The following ZDHHC12 variants were observed in gnomAD, a reference collection of about 807,000 sequenced individuals.
ZDHHC12 encodes palmitoyltransferase ZDHHC12.
Under a neutral mutation model 33.2 loss-of-function variants are expected in ZDHHC12, and 26 were observed. The observed-to-expected ratio is 0.78, with a 90% CI of 0.57 to 1.09. The LOEUF (loss-of-function observed/expected upper bound fraction) is 1.09. ZDHHC12 is among the 50% of genes least tolerant of loss of function. ZDHHC12 has a pLI of 0.00. For synonymous variants in ZDHHC12, 154 were observed against 152.1 expected, an observed-to-expected ratio of 1.01 and a Z score of -0.09; for missense variants, 350 against 353.0, an observed-to-expected ratio of 0.99 and a Z score of 0.07.
In ZDHHC12 at chr9:128,721,957, G is replaced by A; in HGVS notation, c.315+52C>T. 1 of 1,612,648 alleles carries A rather than the reference G, an allele frequency of 6.2e-7. No homozygotes were observed. The highest frequency in any genetic ancestry group is 8.5e-7 in the Non-Finnish European group (1 of 1,179,180). Reference sequence around the variant, plus strand: ...AGGCAGTGGGGCAGGAGGAGGTCGAGGAGTCTCAGCTTTGGCCCAACCTCT... The same window carrying A: ...AGGCAGTGGGGCAGGAGGAGGTCGAAGAGTCTCAGCTTTGGCCCAACCTCT... On this transcript the variant is annotated intron_variant, in intron 3 of 4. Coordinates refer to ENST00000372663, the MANE Select transcript of ZDHHC12 (RefSeq NM_032799.5). This position sits in a 1 kb window ranked among gnomAD's most constrained non-coding sequence, Gnocchi z 6.9.
rs781353911 is a variant in ZDHHC12 at position 128,721,702 on chromosome 9, A to G, written c.431T>C (p.Val144Ala). 6.2e-7 allele frequency: 1 copy of G among 1,613,892 alleles called. No homozygotes were observed. The highest frequency in any genetic ancestry group is 8.5e-7 in the Non-Finnish European group (1 of 1,179,986). Residue 144 changes from valine to alanine, a missense_variant, in exon 4 of 5, where the codon GTC becomes GCC. Val to Ala is a moderately conservative substitution (Grantham distance 64). Transcript: ENST00000372663. This position sits in a 1 kb window ranked among gnomAD's most constrained non-coding sequence, Gnocchi z 6.9. The part of the protein sequence containing the change: ...VGERNHPLFV[V>A]YLALQLVVLL... ...CACCACCAGCTGCAGCGCCAGGTAG[A>G]CCACAAAGAGTGGGTGGTTGCGCTC...
Position 128,723,875 on chromosome 9 carries a change from G to A in ZDHHC12, c.100+119C>T. 1.4e-6 allele frequency: 2 copies of A among 1,443,214 alleles called. No individual in the cohort carries two copies. The highest frequency in any genetic ancestry group is 1.9e-6 in the Non-Finnish European group (2 of 1,066,064). 89.4% of individuals were successfully genotyped at this position (1,443,214 alleles called of 1,614,324 possible). ...GATGGGGAGAGGGCTTCAGGAGCTG[G>A]TGGAGATCGGGCCAATCCCAGGATC... On this transcript the variant is annotated intron_variant, in intron 1 of 4. Coordinates refer to ENST00000372663, the MANE Select transcript of ZDHHC12 (RefSeq NM_032799.5). This position sits in a 1 kb window ranked among gnomAD's most constrained non-coding sequence, Gnocchi z 4.4.
Position 128,722,507 on chromosome 9 carries a change from G to A in ZDHHC12, c.168C>T (p.Gly56=). The change falls in exon 2 of 5, where the codon GGC becomes GGT. Residue 56 remains glycine (G), a synonymous_variant. Transcript: ENST00000372663. The surrounding 1 kb of genome is among the most constrained non-coding windows in gnomAD (Gnocchi z 4.2). Reference sequence around the variant, plus strand: ...ACACAGCGAGGTAGAGCAGCAGGGAGCCCAGCACCAGGAGCAGGAAGGTGA... The same window carrying A: ...ACACAGCGAGGTAGAGCAGCAGGGAACCCAGCACCAGGAGCAGGAAGGTGA... ...LPLTFLLLVL[G]SLLLYLAVSL... is the part of the protein sequence containing the mutation. 6.3e-7 allele frequency: 1 copy of A among 1,582,046 alleles called. No homozygotes were observed. The highest frequency in any genetic ancestry group is 8.6e-7 in the Non-Finnish European group (1 of 1,163,654).
At position 128,721,775 on chromosome 9, in the gene ZDHHC12, C is replaced by T. The variant is rs577188699; in HGVS notation, c.358G>A (p.Val120Ile). ...ARHCRECRRC[V>I]RRYDHHCPWM... ...GGGCAGTGGTGGTCGTAGCGGCGGACGCAACGGCGGCACTCACGGCAGTGC... is the reference window on the plus strand; with the variant it reads ...GGGCAGTGGTGGTCGTAGCGGCGGATGCAACGGCGGCACTCACGGCAGTGC... Residue 120 changes from valine (V) to isoleucine (I), a missense_variant, in exon 4 of 5, where the codon GTC (valine) becomes ATC (isoleucine). Transcript: ENST00000372663. The surrounding 1 kb of genome is among the most constrained non-coding windows in gnomAD (Gnocchi z 6.9). The T allele has an allele frequency of 3.9e-5, 63 of 1,613,502 alleles. No homozygotes were observed. The highest frequency in any genetic ancestry group is 2.6e-4 in the South Asian group (24 of 91,080).
At position 128,721,925 on chromosome 9, in the gene ZDHHC12, G is replaced by A. The variant is rs922044675; in HGVS notation, c.315+84C>T. On this transcript the variant is annotated intron_variant, in intron 3 of 4. Coordinates refer to ENST00000372663, the MANE Select transcript of ZDHHC12 (RefSeq NM_032799.5). The surrounding 1 kb of genome is among the most constrained non-coding windows in gnomAD (Gnocchi z 6.9). Reference sequence around the variant, plus strand: ...TGGAAGGCCTTCTTGGAGGAGGGGCGAGGCCCAGGCAGTGGGGCAGGAGGA... The same window carrying A: ...TGGAAGGCCTTCTTGGAGGAGGGGCAAGGCCCAGGCAGTGGGGCAGGAGGA... The A allele has an allele frequency of 4.4e-4, 706 of 1,605,740 alleles. No homozygotes were observed. The highest frequency in any genetic ancestry group is 1.4e-4 in the Non-Finnish European group (162 of 1,174,378).
Position 128,722,528 on chromosome 9 carries a change from G to C in ZDHHC12, c.147C>G (p.Thr49=). ...EEQGELLLPL[T]FLLLVLGSLL... is the part of the protein sequence containing the mutation. ...GGGAGCCCAGCACCAGGAGCAGGAA[G>C]GTGAGGGGCAGGAGCAGCTCCCCCT... The change falls in exon 2 of 5, where the codon ACC becomes ACG. Residue 49 remains threonine, a synonymous_variant. Coordinates refer to ENST00000372663, the MANE Select transcript of ZDHHC12 (RefSeq NM_032799.5). This position sits in a 1 kb window ranked among gnomAD's most constrained non-coding sequence, Gnocchi z 4.2. 1 of 1,590,302 alleles carries C rather than the reference G, an allele frequency of 6.3e-7. No homozygotes were observed. Among genetic ancestry groups the C allele is most frequent in the South Asian group, 1.1e-5 (1 of 87,308 alleles).
chr9:128,722,341 T>G lies in ZDHHC12; in HGVS notation c.237+97A>C. On this transcript the variant is annotated intron_variant, in intron 2 of 4. Coordinates refer to ENST00000372663, the MANE Select transcript of ZDHHC12 (RefSeq NM_032799.5). The surrounding 1 kb of genome is among the most constrained non-coding windows in gnomAD (Gnocchi z 4.2). ...CTCTAGGGGTGGCAAGAGGAGTCACTGAACTGCTCCCACAAGAGCCTGCAG... is the reference window on the plus strand; with the variant it reads ...CTCTAGGGGTGGCAAGAGGAGTCACGGAACTGCTCCCACAAGAGCCTGCAG... 7.1e-7 allele frequency: 1 copy of G among 1,412,604 alleles called. No individual in the cohort carries two copies. Among genetic ancestry groups the G allele is most frequent in the East Asian group, 2.5e-5 (1 of 39,880 alleles). 87.5% of individuals were successfully genotyped at this position (1,412,604 alleles called of 1,614,324 possible).
At position 128,722,432 on chromosome 9, in the gene ZDHHC12, G is replaced by A. The variant is rs1206499516; in HGVS notation, c.237+6C>T. 2.7e-6 allele frequency: 4 copies of A among 1,495,540 alleles called. No homozygotes were observed. In the East Asian group the frequency reaches 9.9e-5, roughly 37 times the overall value. The allele number at this position is 1,495,540 out of a possible 1,614,324, so 92.6% of individuals were successfully genotyped here. A position where few individuals can be genotyped will look rare whatever the true frequency, so the allele number is the denominator to read the frequency against. ...CCTGTTGGTGAGAGTAGGGGCCCCT[G>A]GTTACCTGAGGCTGGGGCTGCACAT... On this transcript the variant is annotated splice_donor_region_variant and intron_variant, in intron 2 of 4. Coordinates refer to ENST00000372663, the MANE Select transcript of ZDHHC12 (RefSeq NM_032799.5). This position sits in a 1 kb window ranked among gnomAD's most constrained non-coding sequence, Gnocchi z 4.2.
Position 128,721,557 on chromosome 9 carries a change from C to T in ZDHHC12, c.483-55G>A. The T allele has an allele frequency of 6.3e-7, 1 of 1,587,662 alleles. No individual in the cohort carries two copies. The highest frequency in any genetic ancestry group is 2.2e-5 in the East Asian group (1 of 44,550). ...TGGGGGAGGGCAGGGGAGCCCTTCC[C>T]TCCCCATGCCGGGTCCCTGGGAGTC... On this transcript the variant is annotated intron_variant, in intron 4 of 4. Transcript: ENST00000372663. This position sits in a 1 kb window ranked among gnomAD's most constrained non-coding sequence, Gnocchi z 6.9.
Position 128,722,754 on chromosome 9 carries a change from G to A in ZDHHC12, c.101-180C>T. On this transcript the variant is annotated intron_variant, in intron 1 of 4. Transcript: ENST00000372663. The surrounding 1 kb of genome is among the most constrained non-coding windows in gnomAD (Gnocchi z 4.2). ...TGCACTTTTATCTGGAGGGTCAGAG[G>A]GAACCATGGAAGGTTATAGAGCCAG... 1.4e-6 allele frequency: 2 copies of A among 1,434,754 alleles called. No individual in the cohort carries two copies. Among genetic ancestry groups the A allele is most frequent in the Non-Finnish European group, 1.8e-6 (2 of 1,089,738 alleles). The allele number at this position is 1,434,754 out of a possible 1,614,324, so 88.9% of individuals were successfully genotyped here.
rs751216994 is a variant in ZDHHC12 at position 128,721,978 on chromosome 9, C to T, written c.315+31G>A. ...TCGAGGAGTCTCAGCTTTGGCCCAA[C>T]CTCTCCCACGGGTGTCCGTGCATCA... On this transcript the variant is annotated intron_variant, in intron 3 of 4. Coordinates refer to ENST00000372663, the MANE Select transcript of ZDHHC12 (RefSeq NM_032799.5). The surrounding 1 kb of genome is among the most constrained non-coding windows in gnomAD (Gnocchi z 6.9). The T allele has an allele frequency of 3.7e-6, 6 of 1,603,394 alleles. No individual in the cohort carries two copies. Among genetic ancestry groups the T allele is most frequent in the African/African-American group, 1.4e-5 (1 of 73,886 alleles).
chr9:128,723,921 C>A lies in ZDHHC12; in HGVS notation c.100+73G>T. 1 of 1,547,966 alleles carries A rather than the reference C, an allele frequency of 6.5e-7. No individual in the cohort carries two copies. Among genetic ancestry groups the A allele is most frequent in the Non-Finnish European group, 8.8e-7 (1 of 1,141,612 alleles). On this transcript the variant is annotated intron_variant, in intron 1 of 4. Transcript: ENST00000372663. This position sits in a 1 kb window ranked among gnomAD's most constrained non-coding sequence, Gnocchi z 4.4. Reference sequence around the variant, plus strand: ...GGATCTCCAGGGATTAGGCGGGAGACCCAGTGTGACCAGAACGTCTGGGGA... The same window carrying A: ...GGATCTCCAGGGATTAGGCGGGAGAACCAGTGTGACCAGAACGTCTGGGGA...
chr9:128,724,115 C>G lies in ZDHHC12; in HGVS notation c.-22G>C. On this transcript the variant is annotated 5_prime_UTR_variant, in exon 1 of 5. Transcript: ENST00000372663. ...CCATCGCCTCGGCCCGGGGCCCCAC[C>G]CGGAAGAAGCGCCCAGAGGGGCGGG... is the stretch of plus-strand genomic sequence containing the variant. 2.0e-6 allele frequency: 3 copies of G among 1,519,692 alleles called. No homozygotes were observed. The highest frequency in any genetic ancestry group is 2.7e-6 in the Non-Finnish European group (3 of 1,129,336). The allele number at this position is 1,519,692 out of a possible 1,614,324, so 94.1% of individuals were successfully genotyped here.
Position 128,721,291 on chromosome 9 carries a change from C to T in ZDHHC12, c.694G>A (p.Asp232Asn), listed in dbSNP as rs376237458. The change falls in exon 5 of 5, where the codon GAC (aspartate) becomes AAC (asparagine). Residue 232 changes from aspartate (D) to asparagine (N), a missense_variant. Physicochemically the swap from Asp to Asn is conservative, Grantham distance 23. Coordinates refer to ENST00000372663, the MANE Select transcript of ZDHHC12 (RefSeq NM_032799.5). This position sits in a 1 kb window ranked among gnomAD's most constrained non-coding sequence, Gnocchi z 6.9. Reference sequence around the variant, plus strand: ...GCCAGGTTGCGGGTCAGGCCTCGGTCGAAGGGGTTGCTGGGGCGCTGGCGG... The same window carrying T: ...GCCAGGTTGCGGGTCAGGCCTCGGTTGAAGGGGTTGCTGGGGCGCTGGCGG... ...YLRQRPSNPF[D>N]RGLTRNLAHF... The T allele has an allele frequency of 3.6e-5, 58 of 1,596,988 alleles. No homozygotes were observed. The Middle Eastern group carries it at 1.3e-3, about 36-fold the overall frequency.
rs143212938 is a variant in ZDHHC12 at position 128,724,046 on chromosome 9, C to T, written c.48G>A (p.Gly16=). ...LLSPGVLVRT[G]HTVLTWGITL... is the part of the protein sequence containing the mutation. The stretch of plus-strand genomic sequence containing the variant: ...TGATTCCCCAGGTCAGCACGGTGTG[C>T]CCGGTCCGCACCAGGACCCCAGGGC... The change falls in exon 1 of 5, where the codon GGG becomes GGA. Residue 16 remains glycine, a synonymous_variant. Transcript: ENST00000372663. The T allele has an allele frequency of 1.2e-6, 2 of 1,611,346 alleles. No individual in the cohort carries two copies. Among genetic ancestry groups the T allele is most frequent in the Admixed American group, 1.7e-5 (1 of 59,846 alleles).
rs1042390135 is a variant in ZDHHC12, at chr9:128,724,001, G to C, written c.93C>G (p.His31Gln). The change falls in exon 1 of 5, where the codon CAC becomes CAG. Residue 31 changes from histidine (H) to glutamine (Q), a missense_variant. By Grantham distance (24) the His-to-Gln change is conservative. Coordinates refer to ENST00000372663, the MANE Select transcript of ZDHHC12 (RefSeq NM_032799.5). ...GCTCGGGGTCCGGCTCACCGGTATC[G>C]TGCAGGAAGAGCACCAGCGTGATTC... ...TWGITLVLFLHDTELRQWEEQ... is the reference protein window; with the variant it reads ...TWGITLVLFLQDTELRQWEEQ... 6 of 1,612,626 alleles carry C rather than the reference G, an allele frequency of 3.7e-6. No homozygotes were observed. The highest frequency in any genetic ancestry group is 5.1e-6 in the Non-Finnish European group (6 of 1,179,286).
At position 128,722,546 on chromosome 9, in the gene ZDHHC12, C is replaced by T. The variant is rs1211465065; in HGVS notation, c.129G>A (p.Glu43=). 2 of 1,591,356 alleles carry T rather than the reference C, an allele frequency of 1.3e-6. No homozygotes were observed. The highest frequency in any genetic ancestry group is 1.3e-5 in the African/African-American group (1 of 74,496). ...GCAGGAAGGTGAGGGGCAGGAGCAG[C>T]TCCCCCTGCTCCTCCCATTGCCGCA... ...TELRQWEEQG[E]LLLPLTFLLL... is the part of the protein sequence containing the mutation. The change falls in exon 2 of 5, where the codon GAG becomes GAA. Residue 43 remains glutamate (E), a synonymous_variant. Coordinates refer to ENST00000372663, the MANE Select transcript of ZDHHC12 (RefSeq NM_032799.5). This position sits in a 1 kb window ranked among gnomAD's most constrained non-coding sequence, Gnocchi z 4.2.
Position 128,723,945 on chromosome 9 carries a change from G to A in ZDHHC12, c.100+49C>T. The A allele has an allele frequency of 6.3e-7, 1 of 1,586,450 alleles. No individual in the cohort carries two copies. On this transcript the variant is annotated intron_variant, in intron 1 of 4. Transcript: ENST00000372663. The surrounding 1 kb of genome is among the most constrained non-coding windows in gnomAD (Gnocchi z 4.4). ...ACCCAGTGTGACCAGAACGTCTGGG[G>A]AAGTACGCGGGATCGGGTGGGTCCG...
chr9:128,724,040 G>T lies in ZDHHC12; in HGVS notation c.54C>A (p.Thr18=). Reference sequence around the variant, plus strand: ...CCAGCGTGATTCCCCAGGTCAGCACGGTGTGCCCGGTCCGCACCAGGACCC... The same window carrying T: ...CCAGCGTGATTCCCCAGGTCAGCACTGTGTGCCCGGTCCGCACCAGGACCC... ...SPGVLVRTGH[T]VLTWGITLVL... is the part of the protein sequence containing the mutation. The change falls in exon 1 of 5, where the codon ACC becomes ACA. Residue 18 remains threonine, a synonymous_variant. Coordinates refer to ENST00000372663, the MANE Select transcript of ZDHHC12 (RefSeq NM_032799.5). The T allele has an allele frequency of 6.2e-7, 1 of 1,611,988 alleles. No homozygotes were observed. Among genetic ancestry groups the T allele is most frequent in the Admixed American group, 1.7e-5 (1 of 59,884 alleles).
Sources: gnomAD v4.1 joint callset for allele counts on GRCh38, gnomAD v4.1.1 for gene constraint, Gnocchi (gnomAD v3.1) non-coding constraint, MANE v1.5 for transcripts, NCBI Gene and HGNC (gene_info 2026-07-23, HGNC 2026-07-21) for gene names.